The following GREM2 variants were observed in gnomAD, a reference collection of about 807,000 sequenced individuals.
The protein encoded by GREM2 is gremlin 2, DAN family BMP antagonist, also known as gremlin-2.
A neutral mutation model predicts 14.2 loss-of-function variants in GREM2; 11 were observed. The ratio of observed to expected loss-of-function variants is 0.78; its 90% confidence interval spans 0.49 to 1.28. The LOEUF (loss-of-function observed/expected upper bound fraction) is 1.28. Ranked by LOEUF, GREM2 falls within the 50% of genes most tolerant of loss-of-function variation. The pLI is 0.00. For missense variants in GREM2, 210 were observed against 218.5 expected, an observed-to-expected ratio of 0.96 and a Z score of 0.24; for synonymous variants, 98 against 97.6, an observed-to-expected ratio of 1.00 and a Z score of -0.02.
intron 1 of GREM2, among the ~76,000 whole-genome samples, chr1:240,566,106 A>C (rs1679174466): frequency 6.6e-6 from 1 of 152,100 alleles, no homozygotes; most frequent in African/African-American, 2.4e-5. Flanking sequence ...TTGTACCATT[A>C]AGCTTTAAAT....
chr1:240,584,436 A>G (rs1160948911), intron 1 of GREM2, among the ~76,000 whole-genome samples: 1 of 149,648 alleles, frequency 6.7e-6, no homozygotes, highest in Non-Finnish European at 1.5e-5. Context: ...TGGAGGTTGC[A>G]GTGAGCTGAG....
intron 1 of GREM2, among the ~76,000 whole-genome samples, chr1:240,566,634 A>G (rs1679180618): frequency 6.6e-6 from 1 of 152,202 alleles, no homozygotes; most frequent in Non-Finnish European, 1.5e-5. Flanking sequence ...ATGTGAGGAA[A>G]CTATTCAAGG....
intron 1 of GREM2, among the ~76,000 whole-genome samples, chr1:240,522,455 T>G (rs1678123086): frequency 6.6e-6 from 1 of 152,106 alleles, no homozygotes; most frequent in Non-Finnish European, 1.5e-5. Context: ...CAACATCTAG[T>G]GGTAAAATGG....
chr1:240,561,003 C>A (rs531565962), intron 1 of GREM2, among the ~76,000 whole-genome samples: 1 of 152,224 alleles, frequency 6.6e-6, no homozygotes, highest in Admixed American at 6.5e-5. Context: ...CCATTTCTGG[C>A]CAACTATTTA....
chr1:240,565,167 A>G (rs1391334854), intron 1 of GREM2, among the ~76,000 whole-genome samples: 2 of 152,012 alleles, frequency 1.3e-5, no homozygotes, highest in Non-Finnish European at 2.9e-5. Flanking sequence ...TGAATGTGTG[A>G]TTGTGGGGTT....
intron 1 of GREM2, among the ~76,000 whole-genome samples, chr1:240,585,406 T>C (rs2102859621): frequency 6.6e-6 from 1 of 152,136 alleles, no homozygotes; most frequent in South Asian, 2.1e-4. Context: ...GGGGATGTAC[T>C]TAACACAGAC....
At chr1:240,588,142 G>A (rs906596110) in intron 1 of GREM2, among the ~76,000 whole-genome samples, 3 of 152,182 alleles carry the variant, frequency 2.0e-5, no homozygotes, top group African/African-American at 4.8e-5. Flanking sequence ...CAGAAGGGAC[G>A]ATTCTGAGGT....
At chr1:240,533,874 A>G (rs998797075) in intron 1 of GREM2, among the ~76,000 whole-genome samples, 5 of 152,232 alleles carry the variant, frequency 3.3e-5, no homozygotes, top group African/African-American at 1.2e-4. Flanking sequence ...GAGAGCCTCA[A>G]TTCCATCAGG....
chr1:240,532,640 TATAGATAGATAGATAGATAGATAG>T (rs199526145), intron 1 of GREM2, among the ~76,000 whole-genome samples: 7,309 of 104,234 alleles, frequency 0.07, 629 homozygotes, highest in African/African-American at 0.22. Flanking sequence ...AAGAGATATA[TATAGATAGATAGATAGATAGATAG>T]ATAGATAGAT....
chr1:240,533,854 C>T (rs1202262040), intron 1 of GREM2, among the ~76,000 whole-genome samples: 5 of 152,200 alleles, frequency 3.3e-5, no homozygotes, highest in African/African-American at 1.2e-4. Flanking sequence ...AAAGAGGGGA[C>T]GATTGTGACG....
intron 1 of GREM2, among the ~76,000 whole-genome samples, chr1:240,546,152 T>C (rs980745946): frequency 6.6e-6 from 1 of 151,846 alleles, no homozygotes; most frequent in Admixed American, 6.6e-5. Context: ...CTGGCCAACA[T>C]GGTGAAACCC....
intron 1 of GREM2, among the ~76,000 whole-genome samples, chr1:240,562,020 A>G (rs1451854809): frequency 2.0e-5 from 3 of 152,220 alleles, no homozygotes; most frequent in Admixed American, 6.5e-5. Flanking sequence ...TAGGCTGATG[A>G]AGAATTGACT....
At chr1:240,501,862 C>T (rs1374183920) in intron 1 of GREM2, among the ~76,000 whole-genome samples, 2 of 152,074 alleles carry the variant, frequency 1.3e-5, no homozygotes, top group South Asian at 4.2e-4. Flanking sequence ...AAGAACCCTC[C>T]GAGCAAAAAG....
Position 240,559,992 on chromosome 1 carries a change from T to C in GREM2, c.-2+51892A>G, listed in dbSNP as rs1461401217. 2.6e-5 allele frequency among the ~76,000 whole-genome samples: 4 copies of C among 152,028 alleles called. 1 individual carries two copies. Among genetic ancestry groups the C allele is most frequent in the African/African-American group, 9.7e-5 (4 of 41,406 alleles). On this transcript the variant is annotated intron_variant, in intron 1 of 1. Transcript: ENST00000318160. ...TTTATGCAGTGAGTCACAGGAAGTA[T>C]CAAAAAGACATCTGAGTCCCTGGAG... is the stretch of plus-strand genomic sequence containing the variant.
At position 240,492,958 on chromosome 1, in the gene GREM2, C is replaced by T. The variant is rs1433367326; in HGVS notation, c.*11G>A. On this transcript the variant is annotated 3_prime_UTR_variant, in exon 2 of 2. Transcript: ENST00000318160. ...GGCGCGCGCGGGGCTGAGCTGCGTCCGGCCCGGCGCTCACTGCTTGTCCGA... is the reference window on the plus strand; with the variant it reads ...GGCGCGCGCGGGGCTGAGCTGCGTCTGGCCCGGCGCTCACTGCTTGTCCGA... 4.0e-6 allele frequency: 6 copies of T among 1,503,868 alleles called. No individual in the cohort carries two copies. The highest frequency in any genetic ancestry group is 2.2e-5 in the Admixed American group (1 of 45,760). The allele number at this position is 1,503,868 out of a possible 1,614,324, so 93.2% of individuals were successfully genotyped here. A position where few individuals can be genotyped will look rare whatever the true frequency, so the allele number is the denominator to read the frequency against.
intron 1 of GREM2, among the ~76,000 whole-genome samples, chr1:240,598,189 C>T (rs180724455): frequency 2.4e-4 from 36 of 152,280 alleles, no homozygotes; most frequent in Non-Finnish European, 3.4e-4. Context: ...CTGGTTTTCA[C>T]GGTGCAGCTT....
chr1:240,573,225 G>A (rs949143703), intron 1 of GREM2, among the ~76,000 whole-genome samples: 2 of 152,146 alleles, frequency 1.3e-5, no homozygotes, highest in Non-Finnish European at 2.9e-5. Flanking sequence ...CACTCTGGGA[G>A]GCCAAAGAGG....
intron 1 of GREM2, among the ~76,000 whole-genome samples, chr1:240,505,818 T>A (rs979076548): frequency 4.0e-5 from 6 of 151,894 alleles, no homozygotes; most frequent in African/African-American, 1.4e-4. Context: ...GTTCTATGGG[T>A]AGAACTACAA....
intron 1 of GREM2, among the ~76,000 whole-genome samples, chr1:240,544,283 G>C (rs895344989): frequency 1.3e-5 from 2 of 152,012 alleles, no homozygotes; most frequent in East Asian, 3.9e-4. Flanking sequence ...TAGTAGCTGG[G>C]ACTACAGGCA....
Sources: allele counts gnomAD v4.1 joint callset (sites outside exome capture counted in the v4.1 genomes callset), GRCh38; gene constraint gnomAD v4.1.1; transcripts MANE v1.5; gene names NCBI Gene and HGNC (gene_info 2026-07-23, HGNC 2026-07-21).